Variants in ZBTB10 observed in about 807,000 individuals in gnomAD.
ZBTB10 encodes zinc finger and BTB domain containing 10.
ZBTB10 carries 32 observed loss-of-function variants against 76.4 expected under a neutral mutation model. That is an observed-to-expected ratio of 0.42 (90% CI 0.32 to 0.56). ZBTB10 has a LOEUF of 0.56. ZBTB10 is among the 20% of genes least tolerant of loss of function. ZBTB10 has a pLI of 0.14. For synonymous variants in ZBTB10, 523 were observed against 432.9 expected, an observed-to-expected ratio of 1.21 and a Z score of -2.58; for missense variants, 1,057 against 1,098.5, an observed-to-expected ratio of 0.96 and a Z score of 0.53.
rs1255230717 is a variant in ZBTB10 at position 80,522,453 on chromosome 8, A to G, written c.*2925A>G. 2 of 151,934 alleles carry G rather than the reference A, an allele frequency of 1.3e-5. No individual in the cohort carries two copies. Among genetic ancestry groups the G allele is most frequent in the African/African-American group, 4.8e-5 (2 of 41,434 alleles). 9.4% of individuals were successfully genotyped at this position (151,934 alleles called of 1,614,324 possible). A position where few individuals can be genotyped will look rare whatever the true frequency, so the allele number is the denominator to read the frequency against. ...GTCTCATAAATCAAGATTGTGCATT[A>G]TTAGAGTTCTCAGAGACAGATACTT... is the stretch of plus-strand genomic sequence containing the variant. On this transcript the variant is annotated 3_prime_UTR_variant, in exon 6 of 6. Coordinates refer to ENST00000455036, the MANE Select transcript of ZBTB10 (RefSeq NM_001105539.3).
At chr8:80,503,724 G>A (rs903947171) in intron 2 of ZBTB10, among the ~76,000 whole-genome samples, 2 of 152,010 alleles carry the variant, frequency 1.3e-5, no homozygotes, top group Non-Finnish European at 2.9e-5. Context: ...TTCACTATAT[G>A]TTGGCCAGGC....
Position 80,513,926 on chromosome 8 carries a change from A to G in ZBTB10, c.1878A>G (p.Leu626=), listed in dbSNP as rs1431290481. The G allele has an allele frequency of 1.9e-6, 3 of 1,613,148 alleles. No individual in the cohort carries two copies. The highest frequency in any genetic ancestry group is 1.1e-5 in the South Asian group (1 of 90,966). The change falls in exon 3 of 6, where the codon CTA becomes CTG. Residue 626 remains leucine, a synonymous_variant. Transcript: ENST00000455036. ...IKEEPDLDGA[L]LSGPDGDRNV... ...CCTTTTCAGATTTAGATGGTGCTCT[A>G]CTCTCGGGGCCAGATGGTGATAGGA...
upstream of ZBTB10, chr8:80,485,756 C>G (rs1815428474): frequency 1.6e-5 from 25 of 1,530,676 alleles, no homozygotes; most frequent in Non-Finnish European, 2.2e-5. Flanking sequence ...AGTTCACTTC[C>G]TTGGGCACCG....
chr8:80,500,088 G>A lies in ZBTB10; in HGVS notation c.1567G>A (p.Val523Ile). Residue 523 changes from valine (V) to isoleucine (I), a missense_variant, in exon 2 of 6, where the codon GTC (valine) becomes ATC (isoleucine). Physicochemically the swap from Val to Ile is conservative, Grantham distance 29 (BLOSUM62 3). Transcript: ENST00000455036. ...AAAGATTGAAAATGATGGTTGTAAT[G>A]TCGACGAGGGCCAAATAGAAAACTA... ...NVKIENDGCN[V>I]DEGQIENYQM... 2.5e-6 allele frequency: 4 copies of A among 1,613,954 alleles called. No homozygotes were observed. Among genetic ancestry groups the A allele is most frequent in the Non-Finnish European group, 3.4e-6 (4 of 1,179,890 alleles).
chr8:80,524,847 A>T lies in ZBTB10; in HGVS notation c.*5319A>T, dbSNP rs1816525543. 6.6e-6 allele frequency: 1 copy of T among 152,138 alleles called. No homozygotes were observed. The highest frequency in any genetic ancestry group is 1.5e-5 in the Non-Finnish European group (1 of 67,982). The allele number at this position is 152,138 out of a possible 1,614,324, so 9.4% of individuals were successfully genotyped here. ...TTCAGAAAAAGGTCTACCACTGGAG[A>T]TAACGCTATGAAAAGTGAAAGAGAT... On this transcript the variant is annotated 3_prime_UTR_variant, in exon 6 of 6. Coordinates refer to ENST00000455036, the MANE Select transcript of ZBTB10 (RefSeq NM_001105539.3).
rs921095383 is a variant in ZBTB10 at position 80,521,717 on chromosome 8, A to G, written c.*2189A>G. ...TTAAATCATTTATGTATATCTGGTA[A>G]ATTATGACCAAATTTTTGTTAGATT... On this transcript the variant is annotated 3_prime_UTR_variant, in exon 6 of 6. Coordinates refer to ENST00000455036, the MANE Select transcript of ZBTB10 (RefSeq NM_001105539.3). 2 of 151,770 alleles carry G rather than the reference A, an allele frequency of 1.3e-5. No homozygotes were observed. Among genetic ancestry groups the G allele is most frequent in the Non-Finnish European group, 3.0e-5 (2 of 67,756 alleles). The allele number at this position is 151,770 out of a possible 1,614,324, so 9.4% of individuals were successfully genotyped here.
At chr8:80,501,320 A>C (rs1380937288) in intron 2 of ZBTB10, among the ~76,000 whole-genome samples, 1 of 152,234 alleles carries the variant, frequency 6.6e-6, no homozygotes, top group Non-Finnish European at 1.5e-5. Context: ...TTAGAGAATC[A>C]CATTTACAGT....
rs1287885682 is a variant in ZBTB10, at chr8:80,519,761, T to A, written c.*233T>A. On this transcript the variant is annotated 3_prime_UTR_variant, in exon 6 of 6. Coordinates refer to ENST00000455036, the MANE Select transcript of ZBTB10 (RefSeq NM_001105539.3). The stretch of plus-strand genomic sequence containing the variant: ...TTACATGGAGTCCCCACATACTCAG[T>A]CAGTTATCAAAGTAAAATATTTTTT... 2.4e-6 allele frequency: 1 copy of A among 417,434 alleles called. No homozygotes were observed. Among genetic ancestry groups the A allele is most frequent in the Non-Finnish European group, 4.3e-6 (1 of 234,012 alleles). The allele number at this position is 417,434 out of a possible 1,614,324, so 25.9% of individuals were successfully genotyped here.
chr8:80,510,623 G>A (rs1255877646), intron 2 of ZBTB10, among the ~76,000 whole-genome samples: 3 of 148,328 alleles, frequency 2.0e-5, no homozygotes, highest in African/African-American at 5.1e-5. Flanking sequence ...AAAAATAGCC[G>A]TCATTTTGTG....
rs1815467142 is a variant in ZBTB10, at chr8:80,486,694, G to C, written c.-117G>C. On this transcript the variant is annotated 5_prime_UTR_variant, in exon 1 of 6. Transcript: ENST00000455036. ...GAGAGGGCGAGGCCGAGCCCCGCGA[G>C]ACCGGAACGCCGGGGGCGGGGGCGA... 1.0e-6 allele frequency: 1 copy of C among 994,680 alleles called. No individual in the cohort carries two copies. The allele number at this position is 994,680 out of a possible 1,614,324, so 61.6% of individuals were successfully genotyped here. A position where few individuals can be genotyped will look rare whatever the true frequency, so the allele number is the denominator to read the frequency against.
At position 80,519,854 on chromosome 8, in the gene ZBTB10, G is replaced by A. The variant is rs970703935; in HGVS notation, c.*326G>A. The stretch of plus-strand genomic sequence containing the variant: ...GTCCTTAAAGAGCTTACATTCATGT[G>A]CTACTTTAACATGAATGGAGAAAAT... On this transcript the variant is annotated 3_prime_UTR_variant, in exon 6 of 6. Coordinates refer to ENST00000455036, the MANE Select transcript of ZBTB10 (RefSeq NM_001105539.3). The A allele has an allele frequency of 5.2e-6, 1 of 192,856 alleles. No individual in the cohort carries two copies. The highest frequency in any genetic ancestry group is 1.1e-5 in the Non-Finnish European group (1 of 91,724). The allele number at this position is 192,856 out of a possible 1,614,324, so 11.9% of individuals were successfully genotyped here.
chr8:80,493,669 A>AC (rs1554551339), intron 1 of ZBTB10, among the ~76,000 whole-genome samples: 7 of 146,818 alleles, frequency 4.8e-5, no homozygotes, highest in African/African-American at 1.5e-4. Flanking sequence ...AAACAAAACA[A>AC]AAAAAAAAAA....
chr8:80,493,062 A>G (rs532914210), intron 1 of ZBTB10, among the ~76,000 whole-genome samples: 4 of 151,674 alleles, frequency 2.6e-5, no homozygotes, highest in African/African-American at 9.7e-5. Context: ...GAAAATACAA[A>G]AATAAGCCAG....
intron 1 of ZBTB10, among the ~76,000 whole-genome samples, chr8:80,493,207 G>GCACACACACACACACACA (rs369440030): frequency 2.3e-4 from 29 of 125,290 alleles, no homozygotes; most frequent in Admixed American, 7.8e-4. Flanking sequence ...GCGCGCGCGC[G>GCACACACACACACACACA]CACACACACA....
rs533025749 is a variant in ZBTB10, at chr8:80,514,627, G to GT, written c.1960+620dup. Among the ~76,000 whole-genome samples the GT allele has an allele frequency of 3.3e-5, 5 of 152,344 alleles. No individual in the cohort carries two copies. The East Asian group carries it at 9.6e-4, about 29-fold the overall frequency. ...AATGGGCTTGTCCCCCTATGATTGG[G>GT]TGAAAGATTGTTGGGGAATATCATA... On this transcript the variant is annotated intron_variant, in intron 3 of 5. Coordinates refer to ENST00000455036, the MANE Select transcript of ZBTB10 (RefSeq NM_001105539.3).
intron 3 of ZBTB10, among the ~76,000 whole-genome samples, chr8:80,516,614 G>A (rs1354604527): frequency 6.6e-6 from 1 of 152,208 alleles, no homozygotes; most frequent in Non-Finnish European, 1.5e-5. Flanking sequence ...CAGCTATAAT[G>A]AGTTATAGTT....
upstream of ZBTB10, chr8:80,485,871 C>T (rs951908136): frequency 6.5e-6 from 10 of 1,535,678 alleles, no homozygotes; most frequent in Non-Finnish European, 8.7e-6. Context: ...ATGCGCGTCC[C>T]GGGCGCGGGT....
At chr8:80,517,871 C>CTTTTTTTTTTTTTTTTTTTTT (rs773074047) in intron 3 of ZBTB10, among the ~76,000 whole-genome samples, 1 of 76,854 alleles carries the variant, frequency 1.3e-5, no homozygotes, top group African/African-American at 6.0e-5. Flanking sequence ...CGCCCGCCAC[C>CTTTTTTTTTTTTTTTTTTTTT]TTTTTTTTTT....
intron 1 of ZBTB10, among the ~76,000 whole-genome samples, chr8:80,491,704 A>C (rs946748012): frequency 6.6e-6 from 1 of 152,228 alleles, no homozygotes; most frequent in Non-Finnish European, 1.5e-5. Flanking sequence ...AGGTTTAATG[A>C]TTAGCTCATT....
Sources: gnomAD v4.1 joint callset for allele counts (sites outside exome capture counted in the v4.1 genomes callset) on GRCh38, gnomAD v4.1.1 for gene constraint, MANE v1.5 for transcripts, NCBI Gene and HGNC (gene_info 2026-07-23, HGNC 2026-07-21) for gene names.